Variants in LPP observed in about 807,000 individuals in gnomAD.
LPP encodes the protein lipoma-preferred partner.
Under a neutral mutation model 60.4 loss-of-function variants are expected in LPP, and 38 were observed. The observed-to-expected ratio is 0.63, with a 90% CI of 0.49 to 0.83. The LOEUF is 0.83. Ranked by LOEUF, LPP falls within the 40% of genes least tolerant of loss-of-function variation. The pLI is 0.00. For missense variants in LPP, 902 were observed against 783.6 expected (o/e 1.15, Z -1.80); for synonymous variants, 328 against 290.8 (o/e 1.13, Z -1.30).
intron 9 of LPP, among the ~76,000 whole-genome samples, chr3:188,765,357 A>G (rs1474895655): frequency 1.3e-5 from 2 of 150,628 alleles, no homozygotes; most frequent in Non-Finnish European, 2.9e-5. Flanking sequence ...TTGCTGTTAC[A>G]TCATCATTTC....
chr3:188,632,865 C>G (rs1350690735), intron 7 of LPP, among the ~76,000 whole-genome samples: 1 of 152,032 alleles, frequency 6.6e-6, no homozygotes. Flanking sequence ...TTTTCATTAT[C>G]TTTTTTCTCA....
intron 3 of LPP, among the ~76,000 whole-genome samples, chr3:188,356,228 A>G (rs1249667198): frequency 6.6e-6 from 1 of 152,168 alleles, no homozygotes; most frequent in Non-Finnish European, 1.5e-5. Flanking sequence ...CTAAAAGGGC[A>G]GAGTCTTAGA....
intron 3 of LPP, among the ~76,000 whole-genome samples, chr3:188,376,927 C>G (rs549411439): frequency 1.3e-5 from 2 of 152,264 alleles, no homozygotes; most frequent in East Asian, 3.9e-4. Context: ...TCAGCATTTG[C>G]TTGTCTGTAA....
chr3:188,514,553 GC>G (rs1279164967), intron 5 of LPP, among the ~76,000 whole-genome samples: 6 of 151,446 alleles, frequency 4.0e-5, no homozygotes, highest in Admixed American at 3.9e-4. Flanking sequence ...TAATTTTTCT[GC>G]CTCCAGCCTC....
intron 2 of LPP, among the ~76,000 whole-genome samples, chr3:188,260,804 G>A (rs1163029328): frequency 6.6e-6 from 1 of 152,050 alleles, no homozygotes; most frequent in African/African-American, 2.4e-5. Context: ...AGGCTGAGGC[G>A]GGCAGATGGT....
intron 1 of LPP, among the ~76,000 whole-genome samples, chr3:188,198,864 A>G (rs1730260217): frequency 6.6e-6 from 1 of 152,192 alleles, no homozygotes; most frequent in Non-Finnish European, 1.5e-5. Context: ...AGGTGAAGGT[A>G]AAAGAAAGGG....
chr3:188,515,311 A>G (rs968672954), intron 5 of LPP, among the ~76,000 whole-genome samples: 2 of 152,156 alleles, frequency 1.3e-5, no homozygotes. Context: ...TCCTCTCGCC[A>G]TATGACATGG....
chr3:188,640,549 C>CA (rs1849877404), intron 7 of LPP, among the ~76,000 whole-genome samples: 1 of 139,612 alleles, frequency 7.2e-6, no homozygotes, highest in Non-Finnish European at 1.5e-5. Flanking sequence ...AAGTTTGGGA[C>CA]GAAAAAAAAA....
chr3:188,239,878 T>C (rs1723281047), intron 2 of LPP: 2 of 210,468 alleles, frequency 9.5e-6, no homozygotes, highest in African/African-American at 2.3e-5. Flanking sequence ...GGTATTTGCT[T>C]TCATTTCTAA....
intron 9 of LPP, among the ~76,000 whole-genome samples, chr3:188,760,994 T>C (rs1732143014): frequency 6.6e-6 from 1 of 151,692 alleles, no homozygotes; most frequent in Admixed American, 6.6e-5. Flanking sequence ...TTAATCTACC[T>C]GTTAAACTAT....
intron 4 of LPP, among the ~76,000 whole-genome samples, chr3:188,462,110 G>A (rs990771484): frequency 6.6e-6 from 1 of 151,952 alleles, no homozygotes; most frequent in African/African-American, 2.4e-5. Context: ...ATTATTAATA[G>A]GGCAACACTT....
At chr3:188,514,224 C>T (rs9874528) in intron 5 of LPP, among the ~76,000 whole-genome samples, 22,784 of 151,754 alleles carry the variant, frequency 0.15, 1,886 homozygotes, top group Non-Finnish European at 0.18. Context: ...TATTTTTCTT[C>T]TCATTGTTTT....
chr3:188,737,773 C>A (rs1560135975), intron 8 of LPP, among the ~76,000 whole-genome samples: 1 of 152,148 alleles, frequency 6.6e-6, no homozygotes, highest in Admixed American at 6.5e-5. Context: ...ACATAGAGAA[C>A]TGTAGATTCT....
intron 6 of LPP, among the ~76,000 whole-genome samples, chr3:188,607,418 A>ATTTTT (rs774045050): frequency 1.3e-4 from 5 of 38,498 alleles, no homozygotes; most frequent in African/African-American, 3.4e-4. Context: ...TATATATATA[A>ATTTTT]TTTTTTTTTC....
At chr3:188,854,001 C>T (rs1218125342) in intron 9 of LPP, among the ~76,000 whole-genome samples, 2 of 152,108 alleles carry the variant, frequency 1.3e-5, no homozygotes, top group Non-Finnish European at 2.9e-5. Context: ...CAATTTCTGT[C>T]ATCCATCTGG....
chr3:188,874,228 G>A (rs1306496980), intron 11 of LPP, 123 bp from the exon 12 acceptor site: 8 of 751,796 alleles, frequency 1.1e-5, no homozygotes, highest in Non-Finnish European at 1.7e-5. Context: ...AGAATGTAAA[G>A]CAGGAAGGAT....
chr3:188,435,902 A>T (rs898295346), intron 4 of LPP, among the ~76,000 whole-genome samples: 1 of 152,184 alleles, frequency 6.6e-6, no homozygotes, highest in Admixed American at 6.5e-5. Flanking sequence ...CTAAAGAGAC[A>T]AAAGGCATAT....
intron 7 of LPP, among the ~76,000 whole-genome samples, chr3:188,613,565 C>T (rs1580403484): frequency 6.6e-6 from 1 of 152,022 alleles, no homozygotes; most frequent in African/African-American, 2.4e-5. Flanking sequence ...AATCTTGTCC[C>T]AATTAGTGTA....
At chr3:188,780,661 C>T (rs191754289) in intron 9 of LPP, among the ~76,000 whole-genome samples, 3 of 152,286 alleles carry the variant, frequency 2.0e-5, no homozygotes, top group Admixed American at 6.5e-5. Context: ...CTAGTGAAAA[C>T]GTTCCTCTTC....
Sources: allele counts gnomAD v4.1 joint callset (sites outside exome capture counted in the v4.1 genomes callset), GRCh38; gene constraint gnomAD v4.1.1; transcripts MANE v1.5; gene names NCBI Gene and HGNC (gene_info 2026-07-23, HGNC 2026-07-21).